The following CCNH variants were observed in gnomAD, a reference collection of about 807,000 sequenced individuals.
CCNH encodes the protein cyclin H.
In CCNH, 31 loss-of-function variants were observed where a neutral mutation model predicts 41.9. The ratio of observed to expected loss-of-function variants is 0.74; its 90% CI spans 0.56 to 1.00. The LOEUF is 1.00. Among genes scored for constraint, CCNH ranks in the 50% least tolerant of loss-of-function variants. The probability of loss-of-function intolerance (pLI) is 0.00; values close to 1 mark genes in which losing one functional copy is unlikely to be tolerated. For missense variants in CCNH, 362 were observed against 388.4 expected, an observed-to-expected ratio of 0.93 and a Z score of 0.57; for synonymous variants, 138 against 136.1, an observed-to-expected ratio of 1.01 and a Z score of -0.10.
rs1303367063 is a variant in CCNH at position 87,404,912 on chromosome 5, G to A, written c.621C>T (p.Tyr207=). The A allele has an allele frequency of 3.1e-6, 5 of 1,613,330 alleles. No individual in the cohort carries two copies. In the Admixed American group the frequency reaches 5.0e-5, roughly 16 times the overall value. Residue 207 remains tyrosine, a synonymous_variant, in exon 5 of 9, where the codon TAC becomes TAT. Coordinates refer to ENST00000256897, the MANE Select transcript of CCNH (RefSeq NM_001239.4). ...CAGTCAGGGCAATTTGGGAAGGTGT[G>A]TATAAAAGGTAAGCATCCGTCAATG... is the stretch of plus-strand genomic sequence containing the variant. ...RIALTDAYLL[Y]TPSQIALTAI...
intron 9 of CCNH, among the ~76,000 whole-genome samples, chr5:87,333,795 G>T (rs1757764407): frequency 6.6e-6 from 1 of 152,000 alleles, no homozygotes; most frequent in Admixed American, 6.6e-5. Context: ...GATTATCTGT[G>T]TCTTTCTATA....
At chr5:87,368,220 T>C (rs1282042639) in intron 9 of CCNH, among the ~76,000 whole-genome samples, 1 of 152,186 alleles carries the variant, frequency 6.6e-6, no homozygotes, top group African/African-American at 2.4e-5. Context: ...CTTCTGATCT[T>C]TCAGTTCACT....
chr5:87,407,399 G>A (rs1188016110), intron 4 of CCNH, among the ~76,000 whole-genome samples: 1 of 152,100 alleles, frequency 6.6e-6, no homozygotes, highest in East Asian at 1.9e-4. Context: ...GATCTAACAT[G>A]AATGAACCAA....
downstream of CCNH, chr5:87,391,908 T>A (rs1762554661): frequency 1.3e-5 from 3 of 226,684 alleles, no homozygotes; most frequent in Non-Finnish European, 2.6e-5. Flanking sequence ...AACCAAGGGA[T>A]ATCTTGCATA....
chr5:87,326,334 C>CT (rs1228896503), intron 9 of CCNH, among the ~76,000 whole-genome samples: 3 of 151,950 alleles, frequency 2.0e-5, no homozygotes, highest in Non-Finnish European at 4.4e-5. Flanking sequence ...ATTTCTGTGA[C>CT]TTTTTTTAAT....
chr5:87,360,514 C>T (rs1760007756), intron 9 of CCNH, among the ~76,000 whole-genome samples: 1 of 152,142 alleles, frequency 6.6e-6, no homozygotes, highest in South Asian at 2.1e-4. Flanking sequence ...TTTTAAAACA[C>T]CAGTTAACAT....
At position 87,409,342 on chromosome 5, in the gene CCNH, T is replaced by A; in HGVS notation, c.262A>T (p.Lys88Ter). The A allele has an allele frequency of 6.4e-7, 1 of 1,570,556 alleles. No individual in the cohort carries two copies. The highest frequency in any genetic ancestry group is 8.8e-7 in the Non-Finnish European group (1 of 1,141,778). ...ACTGAGTTATTAAGATAAAAACGTT[T>A]GAAATACATACAAGCCGTACCCTAA... ...SVVGTACMYF[K>*]RFYLNNSVME... Residue 88 changes from lysine to a stop codon, truncating the protein, a stop_gained, in exon 3 of 9, where the codon AAA becomes TAA. Transcript: ENST00000256897. LOFTEE classifies it high-confidence loss of function.
chr5:87,394,315 G>T lies in CCNH; in HGVS notation c.*131C>A, dbSNP rs1762743367. The T allele has an allele frequency of 7.3e-7, 1 of 1,366,996 alleles. No homozygotes were observed. The highest frequency in any genetic ancestry group is 1.5e-5 in the African/African-American group (1 of 67,342). 84.7% of individuals were successfully genotyped at this position (1,366,996 alleles called of 1,614,324 possible). On this transcript the variant is annotated 3_prime_UTR_variant, in exon 9 of 9. Coordinates refer to ENST00000256897, the MANE Select transcript of CCNH (RefSeq NM_001239.4). ...TATTTTACATAAAGTTACTGTGAAA[G>T]GGAAAGAAAACAATAGAAAAGTTTT...
chr5:87,329,969 A>G (rs962708831), intron 9 of CCNH, among the ~76,000 whole-genome samples: 1 of 152,114 alleles, frequency 6.6e-6, no homozygotes, highest in South Asian at 2.1e-4. Context: ...TTTACTTGTC[A>G]TTTGTCTCAA....
chr5:87,349,394 C>G, intron 9 of CCNH: 2 of 1,607,402 alleles, frequency 1.2e-6, no homozygotes, highest in Non-Finnish European at 1.7e-6. Flanking sequence ...CTATCTTTTA[C>G]TTTTCGCAAA....
At chr5:87,357,035 A>C (rs1360851050) in intron 9 of CCNH, among the ~76,000 whole-genome samples, 2 of 152,126 alleles carry the variant, frequency 1.3e-5, no homozygotes, top group Non-Finnish European at 2.9e-5. Context: ...AGAAATACCT[A>C]CTTTACCCTT....
chr5:87,340,419 G>GTT (rs967149949), intron 9 of CCNH, among the ~76,000 whole-genome samples: 1 of 146,128 alleles, frequency 6.8e-6, no homozygotes, highest in South Asian at 2.2e-4. Flanking sequence ...CATTTTTATA[G>GTT]TTTTTTTTTT....
chr5:87,357,181 G>A (rs1337367308), intron 9 of CCNH, among the ~76,000 whole-genome samples: 1 of 151,038 alleles, frequency 6.6e-6, no homozygotes, highest in African/African-American at 2.4e-5. Context: ...TTTTATTACC[G>A]CAGAGTAATT....
intron 9 of CCNH, chr5:87,366,432 A>T (rs567700516): frequency 5.4e-6 from 2 of 369,226 alleles, no homozygotes; most frequent in Non-Finnish European, 1.1e-5. Flanking sequence ...AAGAATTGCC[A>T]GAGTAAAAAG....
chr5:87,363,622 T>C, intron 9 of CCNH: 3 of 1,186,464 alleles, frequency 2.5e-6, no homozygotes, highest in Non-Finnish European at 3.6e-6. Context: ...AGATGCACTT[T>C]CTAGGTAATT....
rs537281604 is a variant in CCNH at position 87,321,864 on chromosome 5, C to A, written c.*91-2967G>T. Among the ~76,000 whole-genome samples the A allele has an allele frequency of 2.0e-5, 3 of 152,198 alleles. No individual in the cohort carries two copies. In the South Asian group the frequency reaches 6.2e-4, roughly 32 times the overall value. ...CCTCTCTGAAATGAGGGCATTATGA[C>A]CCACAGTCAGAAAAGTGGAGGAAAA... On this transcript the variant is annotated intron_variant and NMD_transcript_variant, in intron 9 of 9. Transcript: ENST00000645953.
At chr5:87,407,949 T>C (rs1445622295) in intron 4 of CCNH, 27 bp downstream of exon 4, 1 of 1,461,932 alleles carries the variant, frequency 6.8e-7, no homozygotes, top group African/African-American at 1.4e-5. Context: ...GAGAATGTAG[T>C]ATTAGTTTAT....
At chr5:87,379,637 AAT>A (rs1416814434), upstream of CCNH, 1 of 1,498,606 alleles carries the variant, frequency 6.7e-7, no homozygotes, top group African/African-American at 1.4e-5. Flanking sequence ...GATACCGAAA[AAT>A]AGACAACCTC....
intron 9 of CCNH, among the ~76,000 whole-genome samples, chr5:87,368,487 T>C (rs1760690085): frequency 6.6e-6 from 1 of 152,210 alleles, no homozygotes; most frequent in Non-Finnish European, 1.5e-5. Flanking sequence ...TTAGTTTGAC[T>C]AAGTGGTAGA....
Sources: allele counts gnomAD v4.1 joint callset (sites outside exome capture counted in the v4.1 genomes callset), GRCh38; gene constraint gnomAD v4.1.1; transcripts MANE v1.5; gene names NCBI Gene and HGNC (gene_info 2026-07-23, HGNC 2026-07-21).